Variants in MED13L observed in about 807,000 individuals in gnomAD.
MED13L encodes the protein mediator of RNA polymerase II transcription subunit 13-like.
MED13L carries 7 observed loss-of-function variants against 220.9 expected under a neutral mutation model. The observed-to-expected ratio is 0.03, with a 90% CI of 0.02 to 0.06. MED13L has a LOEUF of 0.06. Ranked by LOEUF, MED13L falls within the 10% of genes least tolerant of loss-of-function variation. MED13L has a pLI of 1.00. For missense variants in MED13L, 1,965 were observed against 2,760.5 expected (o/e 0.71, Z 6.46); for synonymous variants, 1,011 against 1,015.2 (o/e 1.00, Z 0.08).
intron 4 of MED13L, among the ~76,000 whole-genome samples, chr12:116,031,806 A>AAG (rs142542395): frequency 1.3e-5 from 2 of 150,652 alleles, no homozygotes; most frequent in African/African-American, 2.5e-5. Context: ...GAAGGAAAGA[A>AAG]AGAGAGAAAG....
At chr12:116,029,214 A>T (rs750797350) in intron 4 of MED13L, among the ~76,000 whole-genome samples, 3 of 147,444 alleles carry the variant, frequency 2.0e-5, no homozygotes, top group Non-Finnish European at 4.5e-5. Context: ...GGTCTATTCT[A>T]AAAAGGGATT....
chr12:116,237,390 T>G, intron 2 of MED13L, 78 bp downstream of exon 2: 1 of 1,163,560 alleles, frequency 8.6e-7, no homozygotes, highest in Non-Finnish European at 1.3e-6. Context: ...AGACAAGTCT[T>G]AATAATCTGT....
chr12:116,031,803 A>G (rs201677653), intron 4 of MED13L, among the ~76,000 whole-genome samples: 1,012 of 88,108 alleles, frequency 0.011, 9 homozygotes, highest in African/African-American at 0.024. Flanking sequence ...AAGGAAGGAA[A>G]GAAAGAGAGA....
At chr12:115,992,497 A>C (rs1878131390) in intron 16 of MED13L, among the ~76,000 whole-genome samples, 2 of 152,178 alleles carry the variant, frequency 1.3e-5, no homozygotes, top group South Asian at 4.1e-4. Context: ...ACACATGAAA[A>C]TTTAACATTT....
chr12:116,085,631 T>C (rs962418329), intron 4 of MED13L, among the ~76,000 whole-genome samples: 1 of 152,090 alleles, frequency 6.6e-6, no homozygotes, highest in African/African-American at 2.4e-5. Flanking sequence ...AAAATTATGA[T>C]GTACACTGGA....
At chr12:116,076,648 G>A (rs746650503) in intron 4 of MED13L, among the ~76,000 whole-genome samples, 3 of 152,196 alleles carry the variant, frequency 2.0e-5, no homozygotes, top group Non-Finnish European at 4.4e-5. Context: ...ATTGGGAGAA[G>A]TTATGTATGA....
intron 4 of MED13L, among the ~76,000 whole-genome samples, chr12:116,046,920 C>T (rs1175041419): frequency 6.6e-6 from 1 of 152,160 alleles, no homozygotes; most frequent in East Asian, 1.9e-4. Context: ...TTGCAGTGAG[C>T]TGAGATCGCA....
chr12:116,031,689 A>AG (rs1300826616), intron 4 of MED13L, among the ~76,000 whole-genome samples: 1 of 34,558 alleles, frequency 2.9e-5, no homozygotes, highest in Non-Finnish European at 7.2e-5. Context: ...AGAAAAGAAA[A>AG]GAAAAGAAAA....
chr12:116,140,603 A>T (rs1876985288), intron 2 of MED13L, among the ~76,000 whole-genome samples: 1 of 152,212 alleles, frequency 6.6e-6, no homozygotes, highest in Non-Finnish European at 1.5e-5. Context: ...ATGTTAGAGG[A>T]AGCAAATCAT....
At chr12:116,075,381 G>C (rs1870699269) in intron 4 of MED13L, among the ~76,000 whole-genome samples, 1 of 152,208 alleles carries the variant, frequency 6.6e-6, no homozygotes. Context: ...TGTACAAGCA[G>C]TTTGCATAAA....
At chr12:116,170,608 GT>G (rs869277948) in intron 2 of MED13L, among the ~76,000 whole-genome samples, 10,250 of 124,362 alleles carry the variant, frequency 0.082, 360 homozygotes, top group South Asian at 0.097. Flanking sequence ...TTTTTTTTTT[GT>G]TTTTTTTTTT....
intron 1 of MED13L, 41 bp downstream of exon 1, chr12:116,277,019 C>A (rs758292328): frequency 3.5e-6 from 5 of 1,418,182 alleles, no homozygotes; most frequent in Admixed American, 2.0e-5. Flanking sequence ...GACCCCCCCC[C>A]TTCCCCGGCA....
chr12:116,015,390 C>CT (rs1315780412), intron 7 of MED13L, 116 bp from the exon 8 acceptor site: 16 of 1,113,340 alleles, frequency 1.4e-5, no homozygotes, highest in Non-Finnish European at 2.2e-5. Flanking sequence ...ATATACATAG[C>CT]TTTTTCCCTA....
intron 1 of MED13L, among the ~76,000 whole-genome samples, chr12:116,243,244 T>C (rs1009303930): frequency 1.3e-5 from 2 of 152,182 alleles, no homozygotes; most frequent in South Asian, 2.1e-4. Context: ...GGTATAGGGG[T>C]AGTCAGGGTT....
In MED13L at chr12:116,009,042, T is replaced by C; in HGVS notation, c.1371A>G (p.Ser457=). 6.2e-7 allele frequency: 1 copy of C among 1,614,062 alleles called. No homozygotes were observed. Among genetic ancestry groups the C allele is most frequent in the Non-Finnish European group, 8.5e-7 (1 of 1,180,006 alleles). ...TAGAAGAAGCAGGAGGTGGTAAAGA[T>C]GAAGATGATGATGGTCCTGCACTGA... ...PGFSAGPSSS[S]SLPPPASSKH... is the part of the protein sequence containing the mutation. Residue 457 remains serine (S), a synonymous_variant, in exon 10 of 31, where the codon TCA becomes TCG. Transcript: ENST00000281928.
chr12:116,240,066 CTT>C (rs1456755958), intron 1 of MED13L, among the ~76,000 whole-genome samples: 1 of 151,984 alleles, frequency 6.6e-6, no homozygotes, highest in Non-Finnish European at 1.5e-5. Context: ...ATTTCTTTCA[CTT>C]TGAGTTGTCT....
rs528587714 is a variant in MED13L, at chr12:116,117,124, G to A, written c.311-5612C>T. On this transcript the variant is annotated intron_variant, in intron 2 of 30. Transcript: ENST00000281928. Reference sequence around the variant, plus strand: ...TGGGCTACTACTCAGAAATAAAAAGGAACTTCCAATACAAGAAAAAATATG... The same window carrying A: ...TGGGCTACTACTCAGAAATAAAAAGAAACTTCCAATACAAGAAAAAATATG... Among the ~76,000 whole-genome samples, 238 of 151,932 alleles carry A rather than the reference G, an allele frequency of 1.6e-3. 1 individual carries two copies. The highest frequency in any genetic ancestry group is 0.012 in the South Asian group (57 of 4,794).
At chr12:116,097,286 T>C (rs961725896) in intron 3 of MED13L, among the ~76,000 whole-genome samples, 1 of 152,010 alleles carries the variant, frequency 6.6e-6, no homozygotes, top group Non-Finnish European at 1.5e-5. Context: ...GCTGGGATTA[T>C]GGGCGTGCAC....
intron 2 of MED13L, among the ~76,000 whole-genome samples, chr12:116,133,261 C>G (rs1353075289): frequency 2.0e-5 from 3 of 152,188 alleles, no homozygotes; most frequent in Non-Finnish European, 2.9e-5. Flanking sequence ...CCAAACTGTA[C>G]TCACAAAACA....
Sources: gnomAD v4.1 joint callset for allele counts (sites outside exome capture counted in the v4.1 genomes callset) on GRCh38, gnomAD v4.1.1 for gene constraint, MANE v1.5 for transcripts, NCBI Gene and HGNC (gene_info 2026-07-23, HGNC 2026-07-21) for gene names.